PTPN5: variants seen among roughly 807,000 people sequenced by gnomAD.
The protein encoded by PTPN5 is tyrosine-protein phosphatase non-receptor type 5.
PTPN5 carries 29 observed loss-of-function variants against 73.9 expected under a neutral mutation model. That is an observed-to-expected ratio of 0.39 (90% confidence interval 0.29 to 0.54). The LOEUF is 0.54. Among genes scored for constraint, PTPN5 ranks in the 20% least tolerant of loss-of-function variants. PTPN5 has a pLI of 0.65. For missense variants in PTPN5, 652 were observed against 751.4 expected (o/e 0.87, Z 1.55); for synonymous variants, 267 against 304.7 (o/e 0.88, Z 1.29).
chr11:18,789,574 C>A (rs1225805154), intron 1 of PTPN5, among the ~76,000 whole-genome samples: 1 of 152,062 alleles, frequency 6.6e-6, no homozygotes, highest in Non-Finnish European at 1.5e-5. Context: ...TCAGTGGCAG[C>A]CCCTGAAGTT....
intron 3 of PTPN5, among the ~76,000 whole-genome samples, chr11:18,762,990 T>C (rs542431339): frequency 3.9e-5 from 6 of 152,142 alleles, no homozygotes; most frequent in Non-Finnish European, 8.8e-5. Context: ...GCTCAATCAG[T>C]AGTGACAGAA....
Position 18,770,288 on chromosome 11 carries a change from G to A in PTPN5, c.20+1651C>T, listed in dbSNP as rs1850821853. ...CAAAAGGAAATCCTGTACTCATTAA[G>A]GAGTCACTCCCTGTCCTCCTCCCCA... On this transcript the variant is annotated intron_variant, in intron 2 of 14. Transcript: ENST00000358540. Among the ~76,000 whole-genome samples, 4 of 152,134 alleles carry A rather than the reference G, an allele frequency of 2.6e-5. No individual in the cohort carries two copies. In the South Asian group the frequency reaches 6.2e-4, roughly 24 times the overall value.
intron 3 of PTPN5, among the ~76,000 whole-genome samples, chr11:18,760,316 G>C (rs1188447423): frequency 6.6e-6 from 1 of 152,236 alleles, no homozygotes; most frequent in Non-Finnish European, 1.5e-5. Context: ...GTCAGAGATA[G>C]GCGCTGCAGG....
At chr11:18,770,627 C>A (rs1051651164) in intron 2 of PTPN5, among the ~76,000 whole-genome samples, 6 of 152,234 alleles carry the variant, frequency 3.9e-5, no homozygotes, top group African/African-American at 1.4e-4. Flanking sequence ...TTCCACTCTC[C>A]TCCCATCACG....
chr11:18,744,096 A>T lies in PTPN5; in HGVS notation c.201T>A (p.Asp67Glu). The T allele has an allele frequency of 6.2e-7, 1 of 1,611,508 alleles. No individual in the cohort carries two copies. Among genetic ancestry groups the T allele is most frequent in the Middle Eastern group, 1.7e-4 (1 of 6,042 alleles). The change falls in exon 4 of 15, where the codon GAT (aspartate) becomes GAA (glutamate). Residue 67 changes from aspartate to glutamate, a missense_variant. Transcript: ENST00000358540. ...CTCGAGGTGGTGGCTTCTGAGCTGGATCTGAGGGCGGCGAGGGAGGAGGGG... is the reference window on the plus strand; with the variant it reads ...CTCGAGGTGGTGGCTTCTGAGCTGGTTCTGAGGGCGGCGAGGGAGGAGGGG... ...PPPPPPSPPS[D>E]PAQKPPPRGA...
At chr11:18,752,931 A>T (rs1182212926) in intron 3 of PTPN5, among the ~76,000 whole-genome samples, 1 of 152,240 alleles carries the variant, frequency 6.6e-6, no homozygotes, top group East Asian at 1.9e-4. Context: ...AACTGATGAG[A>T]TCCAGAGAAT....
At chr11:18,746,691 A>G (rs1849659154) in intron 3 of PTPN5, among the ~76,000 whole-genome samples, 1 of 152,222 alleles carries the variant, frequency 6.6e-6, no homozygotes, top group African/African-American at 2.4e-5. Context: ...CTAAGTGCCA[A>G]TGGAGTCTAA....
At chr11:18,787,473 G>T (rs146238522) in intron 1 of PTPN5, among the ~76,000 whole-genome samples, 1 of 152,270 alleles carries the variant, frequency 6.6e-6, no homozygotes, top group East Asian at 1.9e-4. Context: ...CAGGTCTATA[G>T]GCCCTTACAT....
Position 18,752,527 on chromosome 11 carries a change from G to A in PTPN5, c.98-8328C>T, listed in dbSNP as rs556903050. 2.6e-5 allele frequency among the ~76,000 whole-genome samples: 4 copies of A among 152,338 alleles called. No individual in the cohort carries two copies. The South Asian group carries it at 6.2e-4, about 24-fold the overall frequency. ...ATGGAGTGGGCATGGACTGGGGGTG[G>A]AGGAGTTTTGTCTCTGCCAGATAAT... On this transcript the variant is annotated intron_variant, in intron 3 of 14. Transcript: ENST00000358540.
chr11:18,782,707 T>C (rs1279032731), intron 1 of PTPN5, among the ~76,000 whole-genome samples: 1 of 152,188 alleles, frequency 6.6e-6, no homozygotes, highest in Non-Finnish European at 1.5e-5. Flanking sequence ...TATGAGCTCA[T>C]GCAGTTGTCA....
At chr11:18,774,867 C>G (rs1851070941) in intron 1 of PTPN5, among the ~76,000 whole-genome samples, 1 of 152,154 alleles carries the variant, frequency 6.6e-6, no homozygotes, top group Non-Finnish European at 1.5e-5. Context: ...TGGAAGGGAA[C>G]AGGAGGAGGT....
At chr11:18,787,658 T>G (rs1323130882) in intron 1 of PTPN5, among the ~76,000 whole-genome samples, 1 of 152,134 alleles carries the variant, frequency 6.6e-6, no homozygotes, top group Non-Finnish European at 1.5e-5. Flanking sequence ...TTCACTCAGG[T>G]CTTTGTTCAA....
At chr11:18,782,430 G>A (rs1032563733) in intron 1 of PTPN5, among the ~76,000 whole-genome samples, 11 of 152,118 alleles carry the variant, frequency 7.2e-5, no homozygotes, top group African/African-American at 2.7e-4. Flanking sequence ...ATTTCACCAT[G>A]TTGGCTAGGC....
At chr11:18,770,610 G>A (rs1367588339) in intron 2 of PTPN5, among the ~76,000 whole-genome samples, 1 of 152,192 alleles carries the variant, frequency 6.6e-6, no homozygotes, top group Non-Finnish European at 1.5e-5. Flanking sequence ...GAACCAAACT[G>A]CTCTGTTTCC....
At chr11:18,769,862 G>A (rs1850798913) in intron 2 of PTPN5, among the ~76,000 whole-genome samples, 1 of 152,206 alleles carries the variant, frequency 6.6e-6, no homozygotes. Flanking sequence ...AGCAGCAGAT[G>A]GGGGCTAGGC....
chr11:18,729,586 GT>G lies in PTPN5; in HGVS notation c.1491-21del. On this transcript the variant is annotated intron_variant, in intron 13 of 14. Transcript: ENST00000358540. The surrounding 1 kb of genome is among the most constrained non-coding windows in gnomAD (Gnocchi z 5.2). Reference sequence around the variant, plus strand: ...CCTGCACTGAGGGCCGAGGGGACCGGTGGGGTGAGGGGCAGGGCAGCCCAGC... The same window carrying G: ...CCTGCACTGAGGGCCGAGGGGACCGGGGGGTGAGGGGCAGGGCAGCCCAGC... 1 of 1,572,436 alleles carries G rather than the reference GT, an allele frequency of 6.4e-7. No homozygotes were observed. Among genetic ancestry groups the G allele is most frequent in the Non-Finnish European group, 8.7e-7 (1 of 1,155,018 alleles).
intron 3 of PTPN5, among the ~76,000 whole-genome samples, chr11:18,763,087 T>G (rs545772893): frequency 2.0e-5 from 3 of 152,300 alleles, no homozygotes; most frequent in African/African-American, 7.2e-5. Context: ...CATGACCCCA[T>G]GGAGGAGGCA....
intron 2 of PTPN5, 36 bp from the exon 3 acceptor site, chr11:18,765,919 G>T: frequency 1.4e-6 from 2 of 1,469,338 alleles, no homozygotes; most frequent in Non-Finnish European, 1.9e-6. Flanking sequence ...ATATGCTGTT[G>T]AGCCAGGATC....
intron 1 of PTPN5, among the ~76,000 whole-genome samples, chr11:18,786,483 T>G (rs1851677338): frequency 6.6e-6 from 1 of 152,198 alleles, no homozygotes; most frequent in South Asian, 2.1e-4. Context: ...ATTACAGGCG[T>G]GAGCCACCGC....
Sources: gnomAD v4.1 joint callset for allele counts (sites outside exome capture counted in the v4.1 genomes callset) on GRCh38, gnomAD v4.1.1 for gene constraint, Gnocchi (gnomAD v3.1) non-coding constraint, MANE v1.5 for transcripts, NCBI Gene and HGNC (gene_info 2026-07-23, HGNC 2026-07-21) for gene names.